Variants in GALNTL6 observed in about 807,000 individuals in gnomAD.
GALNTL6 encodes the protein polypeptide N-acetylgalactosaminyltransferase-like 6.
Under a neutral mutation model 73.7 loss-of-function variants are expected in GALNTL6, and 46 were observed. The observed-to-expected ratio is 0.62, with a 90% CI of 0.49 to 0.80. The LOEUF (loss-of-function observed/expected upper bound fraction) is 0.80. Ranked by LOEUF, GALNTL6 falls within the 30% of genes least tolerant of loss-of-function variation. The pLI, the probability that GALNTL6 is intolerant of heterozygous loss-of-function variation, is 0.00. For synonymous variants in GALNTL6, 259 were observed against 263.7 expected, an observed-to-expected ratio of 0.98 and a Z score of 0.17; for missense variants, 604 against 755.0, an observed-to-expected ratio of 0.80 and a Z score of 2.34.
rs1737426467 is a variant in GALNTL6 at position 172,751,605 on chromosome 4, T to C, written c.554-57756T>C. ...GATGCCACAAGAAGGGTGATGTTCCTGAGCCTTTTGAAGTCACAAAAACAG... is the reference window on the plus strand; with the variant it reads ...GATGCCACAAGAAGGGTGATGTTCCCGAGCCTTTTGAAGTCACAAAAACAG... On this transcript the variant is annotated intron_variant, in intron 5 of 12. Transcript: ENST00000506823. 3.3e-5 allele frequency among the ~76,000 whole-genome samples: 5 copies of C among 152,356 alleles called. No homozygotes were observed. In the South Asian group the frequency reaches 1.0e-3, roughly 32 times the overall value.
At chr4:172,206,038 T>C (rs1302776086) in intron 2 of GALNTL6, among the ~76,000 whole-genome samples, 8 of 151,946 alleles carry the variant, frequency 5.3e-5, no homozygotes, top group African/African-American at 1.7e-4. Flanking sequence ...ATGCCATGTA[T>C]TTCATATTTA....
intron 5 of GALNTL6, among the ~76,000 whole-genome samples, chr4:172,722,855 T>C (rs1222818516): frequency 6.6e-6 from 1 of 152,172 alleles, no homozygotes; most frequent in East Asian, 1.9e-4. Flanking sequence ...CTGCATAAGT[T>C]TTCTATTGCT....
chr4:171,850,306 A>G (rs1323462007), intron 2 of GALNTL6, among the ~76,000 whole-genome samples: 1 of 152,166 alleles, frequency 6.6e-6, no homozygotes, highest in Non-Finnish European at 1.5e-5. Context: ...TAAAGTAGGG[A>G]CGTGAAGTTA....
intron 4 of GALNTL6, among the ~76,000 whole-genome samples, chr4:172,345,093 TG>T (rs1324125751): frequency 1.3e-4 from 16 of 121,006 alleles, no homozygotes; most frequent in East Asian, 2.7e-4. Context: ...GAAGAGGTAT[TG>T]TTTTTTTTTT....
At chr4:171,954,871 C>T (rs28756913) in intron 2 of GALNTL6, among the ~76,000 whole-genome samples, 7 of 152,148 alleles carry the variant, frequency 4.6e-5, no homozygotes, top group Non-Finnish European at 1.0e-4. Flanking sequence ...CTCTCTTCCT[C>T]CTGCTCTGGC....
At chr4:172,698,420 G>T (rs1278305491) in intron 5 of GALNTL6, among the ~76,000 whole-genome samples, 64 of 152,066 alleles carry the variant, frequency 4.2e-4, no homozygotes, top group Admixed American at 7.2e-4. Flanking sequence ...GCTTCCTTCC[G>T]CTGAGATCCC....
intron 2 of GALNTL6, among the ~76,000 whole-genome samples, chr4:171,995,260 A>T (rs1048710290): frequency 2.0e-5 from 3 of 152,026 alleles, no homozygotes; most frequent in Non-Finnish European, 2.9e-5. Context: ...TTGAAATCAG[A>T]TCATAACATT....
intron 2 of GALNTL6, among the ~76,000 whole-genome samples, chr4:172,169,224 C>T (rs1435298812): frequency 6.6e-6 from 1 of 152,100 alleles, no homozygotes; most frequent in African/African-American, 2.4e-5. Flanking sequence ...GAACAGTCTC[C>T]CAGTCTGAGA....
At chr4:172,976,898 A>G (rs958907586) in intron 10 of GALNTL6, among the ~76,000 whole-genome samples, 8 of 152,216 alleles carry the variant, frequency 5.3e-5, no homozygotes, top group African/African-American at 1.9e-4. Context: ...CAAAATATCC[A>G]CTATTTATAG....
At chr4:172,059,435 C>A (rs986888494) in intron 2 of GALNTL6, among the ~76,000 whole-genome samples, 7 of 152,066 alleles carry the variant, frequency 4.6e-5, no homozygotes, top group Non-Finnish European at 1.0e-4. Context: ...TCGATGGAAT[C>A]TCAAAATGAC....
intron 4 of GALNTL6, among the ~76,000 whole-genome samples, chr4:172,336,430 C>A (rs955846712): frequency 6.7e-6 from 1 of 148,326 alleles, no homozygotes; most frequent in Non-Finnish European, 1.5e-5. Context: ...TGCCACCATG[C>A]CCAGCTAATT....
At chr4:172,824,054 C>T (rs918342104) in intron 7 of GALNTL6, among the ~76,000 whole-genome samples, 6 of 151,964 alleles carry the variant, frequency 3.9e-5, no homozygotes, top group Non-Finnish European at 4.4e-5. Flanking sequence ...GGCTTGTTGG[C>T]GAGTATAATC....
At chr4:172,426,617 A>G (rs1471484311) in intron 5 of GALNTL6, among the ~76,000 whole-genome samples, 1 of 152,176 alleles carries the variant, frequency 6.6e-6, no homozygotes, top group Non-Finnish European at 1.5e-5. Context: ...ATCCATGCAA[A>G]CAGAAATAAA....
intron 5 of GALNTL6, among the ~76,000 whole-genome samples, chr4:172,788,743 C>T (rs1739825606): frequency 6.8e-6 from 1 of 146,708 alleles, no homozygotes; most frequent in Admixed American, 6.8e-5. Context: ...AACTTGAATA[C>T]ATAAGAGGTG....
chr4:171,851,593 TAGA>T (rs1262492051), intron 2 of GALNTL6, among the ~76,000 whole-genome samples: 1 of 152,220 alleles, frequency 6.6e-6, no homozygotes, highest in Non-Finnish European at 1.5e-5. Context: ...TTCTTTCTAT[TAGA>T]AGCTGCTGTC....
chr4:172,772,432 T>C (rs569283930), intron 5 of GALNTL6, among the ~76,000 whole-genome samples: 1 of 152,222 alleles, frequency 6.6e-6, no homozygotes, highest in Non-Finnish European at 1.5e-5. Flanking sequence ...GATCTAATTC[T>C]TATGATACAT....
At chr4:172,998,865 C>A (rs1392985342) in intron 10 of GALNTL6, among the ~76,000 whole-genome samples, 1 of 151,948 alleles carries the variant, frequency 6.6e-6, no homozygotes, top group African/African-American at 2.4e-5. Flanking sequence ...CATTTCTATT[C>A]TTTGCTTGAG....
Position 172,183,765 on chromosome 4 carries a change from G to A in GALNTL6, c.139-45891G>A, listed in dbSNP as rs72996357. Among the ~76,000 whole-genome samples, 217 of 149,604 alleles carry A rather than the reference G, an allele frequency of 1.5e-3. 2 individuals are homozygous for A. The highest frequency in any genetic ancestry group is 5.0e-3 in the African/African-American group (204 of 40,976). On this transcript the variant is annotated intron_variant, in intron 2 of 12. Transcript: ENST00000506823. ...TTTTGTATATCTTCTGAGCAAAGAC[G>A]TTAACAGTTTTGCTATTACTGTTGA...
intron 2 of GALNTL6, among the ~76,000 whole-genome samples, chr4:171,933,632 G>T (rs1018480666): frequency 6.6e-6 from 1 of 152,070 alleles, no homozygotes; most frequent in East Asian, 1.9e-4. Context: ...AACAATTTGT[G>T]TTGTATATTT....
Sources: gnomAD v4.1 joint callset for allele counts (sites outside exome capture counted in the v4.1 genomes callset) on GRCh38, gnomAD v4.1.1 for gene constraint, MANE v1.5 for transcripts, NCBI Gene and HGNC (gene_info 2026-07-23, HGNC 2026-07-21) for gene names.